Variants in SIPA1L3 observed in about 807,000 individuals in gnomAD.
SIPA1L3 encodes the protein signal induced proliferation associated 1 like 3.
In SIPA1L3, 59 loss-of-function variants were observed where a neutral mutation model predicts 150.1. The observed-to-expected ratio is 0.39, with a 90% confidence interval of 0.32 to 0.49. The LOEUF is 0.49. SIPA1L3 is among the 20% of genes least tolerant of loss of function. The probability of loss-of-function intolerance (pLI) is 0.86; values close to 1 mark genes in which losing one functional copy is unlikely to be tolerated. For missense variants in SIPA1L3, 2,211 were observed against 2,489.5 expected (o/e 0.89, Z 2.38); for synonymous variants, 1,070 against 1,077.6 (o/e 0.99, Z 0.14).
intron 18 of SIPA1L3, among the ~76,000 whole-genome samples, chr19:38,197,508 C>T (rs1972987321): frequency 1.3e-5 from 2 of 152,028 alleles, no homozygotes; most frequent in African/African-American, 4.8e-5. Context: ...CCCGTGTAAA[C>T]ACTGTCCATA....
chr19:38,119,741 C>CA lies in SIPA1L3; in HGVS notation c.2729dup (p.Asn910LysfsTer82). 1 of 1,614,086 alleles carries CA rather than the reference C, an allele frequency of 6.2e-7. No homozygotes were observed. On this transcript the variant is annotated frameshift_variant, in exon 9 of 22. Coordinates refer to ENST00000222345, the MANE Select transcript of SIPA1L3 (RefSeq NM_015073.3). LOFTEE classifies it high-confidence loss of function. ...ACTTACGCACCAAGGAGGTGGTGTTCAACTGCTACTGCGGGGATGTCATTG... is the reference window on the plus strand; with the variant it reads ...ACTTACGCACCAAGGAGGTGGTGTTCAAACTGCTACTGCGGGGATGTCATTG...
chr19:38,150,821 G>A (rs376583328), intron 12 of SIPA1L3, among the ~76,000 whole-genome samples: 18 of 151,936 alleles, frequency 1.2e-4, no homozygotes, highest in Admixed American at 3.3e-4. Flanking sequence ...GATTACAGGC[G>A]TGAGCCACCA....
At chr19:38,054,806 A>G (rs1969280800) in intron 2 of SIPA1L3, among the ~76,000 whole-genome samples, 1 of 152,096 alleles carries the variant, frequency 6.6e-6, no homozygotes, top group Non-Finnish European at 1.5e-5. Context: ...CCCACTTTCC[A>G]GGGGCATCAC....
At position 38,101,246 on chromosome 19, in the gene SIPA1L3, G is replaced by A; in HGVS notation, c.2029+20G>A. 1 of 1,491,554 alleles carries A rather than the reference G, an allele frequency of 6.7e-7. No homozygotes were observed. Among genetic ancestry groups the A allele is most frequent in the East Asian group, 2.5e-5 (1 of 40,470 alleles). 92.4% of individuals were successfully genotyped at this position (1,491,554 alleles called of 1,614,324 possible). On this transcript the variant is annotated intron_variant, in intron 6 of 21. Transcript: ENST00000222345. ...TCAAGAGTAAGTAGGGGGCCGGTTA[G>A]ATCACAGTGAGCCACCACTGCACTC...
chr19:37,918,585 T>C (rs1473139082), intron 1 of SIPA1L3, among the ~76,000 whole-genome samples: 1 of 151,558 alleles, frequency 6.6e-6, no homozygotes, highest in Non-Finnish European at 1.5e-5. Context: ...ATTGCTGCTT[T>C]GGGGCCAGGC....
chr19:38,000,462 G>A (rs1038661881), intron 1 of SIPA1L3, among the ~76,000 whole-genome samples: 1 of 135,686 alleles, frequency 7.4e-6, no homozygotes, highest in African/African-American at 2.8e-5. Flanking sequence ...AGTGCACAGA[G>A]TGAGACTCTG....
intron 8 of SIPA1L3, 50 bp downstream of exon 8, chr19:38,110,434 C>T (rs776397213): frequency 1.3e-6 from 2 of 1,566,326 alleles, no homozygotes; most frequent in Non-Finnish European, 1.7e-6. Flanking sequence ...GAGGGGCAGG[C>T]AGCTGGCCCA....
At chr19:38,024,592 C>T (rs1968458618) in intron 1 of SIPA1L3, among the ~76,000 whole-genome samples, 1 of 152,024 alleles carries the variant, frequency 6.6e-6, no homozygotes, top group African/African-American at 2.4e-5. Flanking sequence ...ATTTTGGACC[C>T]CAGTTTGCTT....
intron 1 of SIPA1L3, among the ~76,000 whole-genome samples, chr19:38,010,063 A>G (rs833923): frequency 0.014 from 2,130 of 152,220 alleles, 64 homozygotes; most frequent in African/African-American, 0.048. Flanking sequence ...ACTGACGTCT[A>G]TAACCCTGCT....
At chr19:38,141,839 G>A (rs1483762758) in intron 11 of SIPA1L3, among the ~76,000 whole-genome samples, 1 of 152,152 alleles carries the variant, frequency 6.6e-6, no homozygotes, top group African/African-American at 2.4e-5. Flanking sequence ...TTAAAAATTA[G>A]CCAGGTGTGA....
At chr19:38,027,285 C>T (rs1230763041) in intron 1 of SIPA1L3, among the ~76,000 whole-genome samples, 1 of 151,774 alleles carries the variant, frequency 6.6e-6, no homozygotes, top group Non-Finnish European at 1.5e-5. Flanking sequence ...AAGACTCCAT[C>T]TCAAAAAAAA....
At chr19:37,989,965 G>A (rs553447323) in intron 1 of SIPA1L3, among the ~76,000 whole-genome samples, 198 of 152,274 alleles carry the variant, frequency 1.3e-3, no homozygotes, top group African/African-American at 4.2e-3. Flanking sequence ...GAGAGTAGAG[G>A]ATTTGGGGTT....
At chr19:37,996,154 C>A (rs1352798619) in intron 1 of SIPA1L3, among the ~76,000 whole-genome samples, 2 of 152,198 alleles carry the variant, frequency 1.3e-5, no homozygotes, top group Non-Finnish European at 2.9e-5. Flanking sequence ...TCTCAAACTC[C>A]TGGCCTCAAG....
chr19:38,083,043 G>A lies in SIPA1L3; in HGVS notation c.1478G>A (p.Ser493Asn), dbSNP rs745767531. Residue 493 changes from serine (S) to asparagine (N), a missense_variant, in exon 3 of 22, where the codon AGC (serine) becomes AAC (asparagine). Ser to Asn is a conservative substitution (Grantham distance 46). Transcript: ENST00000222345. The stretch of plus-strand genomic sequence containing the variant: ...ACGCAGAGTCGGCCCCGGCAGTACA[G>A]CATCGAGCATGTGGACCTGGGCGCC... ...QRTQSRPRQY[S>N]IEHVDLGARY... The A allele has an allele frequency of 3.7e-6, 6 of 1,612,916 alleles. No homozygotes were observed. Among genetic ancestry groups the A allele is most frequent in the South Asian group, 3.3e-5 (3 of 91,088 alleles).
chr19:38,131,228 G>A (rs1022427684), intron 10 of SIPA1L3, among the ~76,000 whole-genome samples: 4 of 152,220 alleles, frequency 2.6e-5, no homozygotes, highest in African/African-American at 4.8e-5. Context: ...AGAAATAGGT[G>A]TGTCATACCG....
intron 2 of SIPA1L3, among the ~76,000 whole-genome samples, chr19:38,043,553 C>T (rs62121389): frequency 0.15 from 23,049 of 152,170 alleles, 1,843 homozygotes; most frequent in South Asian, 0.27. Context: ...ATTCAGAATT[C>T]CGAAACACAT....
rs1254471170 is a variant in SIPA1L3 at position 38,206,157 on chromosome 19, C to T, written c.5263C>T (p.Arg1755Trp). 3 of 1,551,428 alleles carry T rather than the reference C, an allele frequency of 1.9e-6. No homozygotes were observed. The highest frequency in any genetic ancestry group is 1.4e-5 in the African/African-American group (1 of 73,088). Residue 1755 changes from arginine (R) to tryptophan (W), a missense_variant, in exon 22 of 22, where the codon CGG becomes TGG. Physicochemically the swap from Arg to Trp is moderately radical, Grantham distance 101. Around this residue, in one of 5 missense-constraint regions of SIPA1L3, gnomAD observed 63 missense variants for 106.1 expected, o/e 0.59. Coordinates refer to ENST00000222345, the MANE Select transcript of SIPA1L3 (RefSeq NM_015073.3). ...EVASLRQNNQ[R>W]LQEESQAASE... is the part of the protein sequence containing the mutation. ...GGCCAGCCTGCGGCAGAACAACCAG[C>T]GGCTGCAGGAGGAGTCGCAGGCCGC...
Position 38,163,673 on chromosome 19 carries a change from G to A in SIPA1L3, c.3781-806G>A, listed in dbSNP as rs192274067. On this transcript the variant is annotated intron_variant, in intron 14 of 21. Coordinates refer to ENST00000222345, the MANE Select transcript of SIPA1L3 (RefSeq NM_015073.3). ...ATTGCAGGCAGAGGGAGCAGCAGGC[G>A]CAGAGGCCCTGACGGGGAGTGCCCA... Among the ~76,000 whole-genome samples the A allele has an allele frequency of 1.8e-3, 276 of 152,094 alleles. 2 individuals carry two copies. Among genetic ancestry groups the A allele is most frequent in the Admixed American group, 0.012 (184 of 15,276 alleles).
At chr19:38,174,620 C>T (rs867038629) in intron 15 of SIPA1L3, among the ~76,000 whole-genome samples, 5 of 152,022 alleles carry the variant, frequency 3.3e-5, no homozygotes, top group Non-Finnish European at 4.4e-5. Flanking sequence ...GAGGCCGAGG[C>T]GGGCGGATCA....
Sources: allele counts gnomAD v4.1 joint callset (sites outside exome capture counted in the v4.1 genomes callset), GRCh38; gene constraint gnomAD v4.1.1; regional missense constraint gnomAD v4.1.1; transcripts MANE v1.5; gene names NCBI Gene and HGNC (gene_info 2026-07-23, HGNC 2026-07-21).